The following KTN1 variants were observed in gnomAD, a reference collection of about 807,000 sequenced individuals.
KTN1 encodes the protein kinectin.
KTN1 carries 130 observed loss-of-function variants against 222.5 expected under a neutral mutation model. The ratio of observed to expected loss-of-function variants is 0.58; its 90% CI spans 0.51 to 0.68. The LOEUF is 0.68. Ranked by LOEUF, KTN1 falls within the 30% of genes least tolerant of loss-of-function variation. The pLI, the probability that KTN1 is intolerant of heterozygous loss-of-function variation, is 0.00. For synonymous variants in KTN1, 512 were observed against 496.3 expected, an observed-to-expected ratio of 1.03 and a Z score of -0.42; for missense variants, 1,508 against 1,500.4, an observed-to-expected ratio of 1.01 and a Z score of -0.08.
chr14:55,608,550 T>C (rs567585929), intron 1 of KTN1, among the ~76,000 whole-genome samples: 140 of 152,252 alleles, frequency 9.2e-4, no homozygotes, highest in Non-Finnish European at 1.3e-3. Context: ...ATACTTTGAG[T>C]TGATATTTGC....
intron 18 of KTN1, among the ~76,000 whole-genome samples, chr14:55,646,313 A>G (rs753569909): frequency 6.6e-6 from 1 of 152,192 alleles, no homozygotes; most frequent in Non-Finnish European, 1.5e-5. Context: ...AGCTGTGAAC[A>G]GGATTTATGC....
rs750637245 is a variant in KTN1 at position 55,612,361 on chromosome 14, G to A, written c.313G>A (p.Val105Ile). 6 of 1,614,008 alleles carry A rather than the reference G, an allele frequency of 3.7e-6. No homozygotes were observed. The highest frequency in any genetic ancestry group is 1.1e-5 in the South Asian group (1 of 91,070). ...AGTTGCACCTGTTCCATTGAATGTC[G>A]TTGAAACTTCAAGTAGTGTTAGGGA... ...DQVAPVPLNV[V>I]ETSSSVRERK... Residue 105 changes from valine (V) to isoleucine (I), a missense_variant, in exon 2 of 44, where the codon GTT becomes ATT. Physicochemically the swap from Val to Ile is conservative, Grantham distance 29. Coordinates refer to ENST00000395314, the MANE Select transcript of KTN1 (RefSeq NM_001079521.2).
intron 25 of KTN1, among the ~76,000 whole-genome samples, 178 bp from the exon 26 acceptor site, chr14:55,652,672 T>G (rs548008369): frequency 6.6e-6 from 1 of 152,254 alleles, no homozygotes; most frequent in Admixed American, 6.5e-5. Flanking sequence ...GTGTTGGGAT[T>G]ACAGGCGTGA....
intron 1 of KTN1, among the ~76,000 whole-genome samples, chr14:55,606,013 A>G (rs546263766): frequency 2.0e-5 from 3 of 152,322 alleles, no homozygotes; most frequent in East Asian, 1.9e-4. Flanking sequence ...TGGTATGAAG[A>G]GTGTGGCACG....
intron 5 of KTN1, among the ~76,000 whole-genome samples, chr14:55,624,585 G>A (rs1202961227): frequency 2.6e-5 from 4 of 152,194 alleles, no homozygotes; most frequent in African/African-American, 9.7e-5. Context: ...GGGAGTGATT[G>A]AGGAAGATAA....
At chr14:55,617,100 G>A (rs941836520) in intron 3 of KTN1, among the ~76,000 whole-genome samples, 1 of 152,126 alleles carries the variant, frequency 6.6e-6, no homozygotes. Context: ...AAGAGATGGA[G>A]CAATCTTATT....
intron 18 of KTN1, among the ~76,000 whole-genome samples, 175 bp downstream of exon 18, chr14:55,641,935 G>T (rs1037923519): frequency 5.3e-5 from 8 of 152,108 alleles, no homozygotes; most frequent in Non-Finnish European, 1.2e-4. Context: ...TCCCTGAGGT[G>T]AAGCTAATGC....
rs966293215 is a variant in KTN1 at position 55,650,328 on chromosome 14, G to A, written c.2406G>A (p.Val802=). The change falls in exon 23 of 44, where the codon GTG becomes GTA. Residue 802 remains valine (V), a splice_region_variant and synonymous_variant. Transcript: ENST00000395314. ...ATTATACTGCATTTCTTTATTGAAGGATCCATGAGAAAGATGGAAAGATCA... is the reference window on the plus strand; with the variant it reads ...ATTATACTGCATTTCTTTATTGAAGAATCCATGAGAAAGATGGAAAGATCA... ...FASLVEELKK[V]IHEKDGKIKS... is the part of the protein sequence containing the mutation. 1 of 1,582,956 alleles carries A rather than the reference G, an allele frequency of 6.3e-7. No individual in the cohort carries two copies. Among genetic ancestry groups the A allele is most frequent in the Admixed American group, 1.9e-5 (1 of 53,406 alleles).
intron 42 of KTN1, 150 bp from the exon 43 acceptor site, chr14:55,679,415 A>G (rs2046173656): frequency 3.1e-6 from 2 of 638,308 alleles, no homozygotes; most frequent in Non-Finnish European, 5.3e-6. Flanking sequence ...GTATTTCTCT[A>G]TGTGGTTTTT....
rs551893836 is a variant in KTN1 at position 55,677,918 on chromosome 14, G to A, written c.3856-434G>A. Among the ~76,000 whole-genome samples, 17 of 152,202 alleles carry A rather than the reference G, an allele frequency of 1.1e-4. 1 individual carries two copies. In the South Asian group the frequency reaches 2.7e-3, roughly 24 times the overall value. The stretch of plus-strand genomic sequence containing the variant: ...TCTCCATGTTGGTCAGGCTGGTCTC[G>A]AACTCCCGACCTCAGGTGATCCGCC... On this transcript the variant is annotated intron_variant, in intron 41 of 43. Transcript: ENST00000395314.
At chr14:55,631,788 A>AC (rs1454496268) in intron 7 of KTN1, among the ~76,000 whole-genome samples, 1 of 151,950 alleles carries the variant, frequency 6.6e-6, no homozygotes, top group East Asian at 1.9e-4. Context: ...AAAAACAAAA[A>AC]ACTCCAAACC....
chr14:55,637,180 T>C lies in KTN1; in HGVS notation c.1550-18T>C, dbSNP rs1482277034. On this transcript the variant is annotated intron_variant, in intron 10 of 43. Coordinates refer to ENST00000395314, the MANE Select transcript of KTN1 (RefSeq NM_001079521.2). ...GGCAAAGAAAGAGACCTCTGTAAAATGTAATGTTTTATTACAGATTTACAG... is the reference window on the plus strand; with the variant it reads ...GGCAAAGAAAGAGACCTCTGTAAAACGTAATGTTTTATTACAGATTTACAG... The C allele has an allele frequency of 3.8e-6, 6 of 1,561,742 alleles. No individual in the cohort carries two copies. In the African/African-American group the frequency reaches 8.2e-5, roughly 21 times the overall value.
intron 5 of KTN1, among the ~76,000 whole-genome samples, chr14:55,622,284 C>T (rs868360068): frequency 2.0e-5 from 3 of 152,026 alleles, no homozygotes; most frequent in Admixed American, 1.3e-4. Flanking sequence ...AAGATCACAC[C>T]GTTCAAAGAA....
chr14:55,623,187 A>C (rs534973116), intron 5 of KTN1, among the ~76,000 whole-genome samples: 192 of 152,364 alleles, frequency 1.3e-3, no homozygotes, highest in African/African-American at 4.4e-3. Flanking sequence ...TCATAGCACT[A>C]TAAGTCTGTC....
intron 1 of KTN1, among the ~76,000 whole-genome samples, chr14:55,597,340 T>A (rs548323199): frequency 1.3e-5 from 2 of 152,346 alleles, no homozygotes; most frequent in African/African-American, 4.8e-5. Context: ...GATAAACACA[T>A]AAGATTGTGA....
chr14:55,664,000 A>G lies in KTN1; in HGVS notation c.3136A>G (p.Thr1046Ala). The change falls in exon 33 of 44, where the codon ACT (threonine) becomes GCT (alanine). Residue 1046 changes from threonine to alanine, a missense_variant. By Grantham distance (58) the Thr-to-Ala change is moderately conservative. Coordinates refer to ENST00000395314, the MANE Select transcript of KTN1 (RefSeq NM_001079521.2). ...NWEAMEALAS[T>A]EKMLQDKVNK... Reference sequence around the variant, plus strand: ...GGAAGCAATGGAAGCATTGGCATCAACTGAAAAAATGCTGCAGGACAAAGT... The same window carrying G: ...GGAAGCAATGGAAGCATTGGCATCAGCTGAAAAAATGCTGCAGGACAAAGT... The G allele has an allele frequency of 2.5e-6, 4 of 1,612,986 alleles. No individual in the cohort carries two copies. The highest frequency in any genetic ancestry group is 3.4e-6 in the Non-Finnish European group (4 of 1,179,246).
chr14:55,629,414 T>C (rs1465632653), intron 6 of KTN1, among the ~76,000 whole-genome samples: 1 of 105,092 alleles, frequency 9.5e-6, no homozygotes, highest in African/African-American at 3.6e-5. Flanking sequence ...TGAGACTCCG[T>C]CTCAAAAAAA....
At chr14:55,641,308 T>A in intron 17 of KTN1, 100 bp downstream of exon 17, 1 of 690,026 alleles carries the variant, frequency 1.4e-6, no homozygotes, top group Non-Finnish European at 2.4e-6. Context: ...GAAGTCACTC[T>A]GAAACAGTGT....
At chr14:55,588,779 G>A (rs1363537921) in intron 1 of KTN1, among the ~76,000 whole-genome samples, 1 of 152,080 alleles carries the variant, frequency 6.6e-6, no homozygotes, top group Non-Finnish European at 1.5e-5. Context: ...TCTGGTTTGT[G>A]TAAGTTTTGA....
Sources: allele counts gnomAD v4.1 joint callset (sites outside exome capture counted in the v4.1 genomes callset), GRCh38; gene constraint gnomAD v4.1.1; transcripts MANE v1.5; gene names NCBI Gene and HGNC (gene_info 2026-07-23, HGNC 2026-07-21).